Variants in ARHGEF9 observed in about 807,000 individuals in gnomAD.
ARHGEF9 encodes the protein rho guanine nucleotide exchange factor 9.
Under a neutral mutation model 41.3 loss-of-function variants are expected in ARHGEF9, and 2 were observed. The ratio of observed to expected loss-of-function variants is 0.05; its 90% confidence interval spans 0.02 to 0.15. ARHGEF9 has a LOEUF of 0.15. ARHGEF9 is among the 10% of genes least tolerant of loss of function. ARHGEF9 has a pLI of 1.00. For missense variants in ARHGEF9, 225 were observed against 424.7 expected (o/e 0.53, Z 4.13); for synonymous variants, 160 against 154.4 (o/e 1.04, Z -0.27).
intron 7 of ARHGEF9, among the ~76,000 whole-genome samples, chrX:63,661,750 C>G (rs782510753): frequency 9.0e-6 from 1 of 110,673 alleles, no homozygotes; most frequent in South Asian, 3.8e-4. Flanking sequence ...TACTCTCTTG[C>G]TCTCCTTTTC....
chrX:63,696,922 T>C (rs2051792683), intron 4 of ARHGEF9, among the ~76,000 whole-genome samples: 1 of 111,699 alleles, frequency 9.0e-6, no homozygotes, highest in African/African-American at 3.3e-5. Context: ...GTCATACACA[T>C]GCTTAACATT....
Position 63,637,860 on chromosome X carries a change from GTGTGTGTGTGTGTGTGTGTGTC to G in ARHGEF9, c.*146_*167del, listed in dbSNP as rs2047384663. ...TCCTTATCTCTCTGTGTGTGTGTGT[GTGTGTGTGTGTGTGTGTGTGTC>G]TGTGTGTGTGTGTGTGTATGTGTAC... On this transcript the variant is annotated 3_prime_UTR_variant, in exon 10 of 10. Coordinates refer to ENST00000671741, the MANE Select transcript of ARHGEF9 (RefSeq NM_001353921.2). 3 of 400,312 alleles carry G rather than the reference GTGTGTGTGTGTGTGTGTGTGTC, an allele frequency of 7.5e-6. No homozygotes were observed. In the Admixed American group the frequency reaches 1.3e-4, roughly 18 times the overall value. 33.0% of individuals were successfully genotyped at this position (400,312 alleles called of 1,213,427 possible). A position where few individuals can be genotyped will look rare whatever the true frequency, so the allele number is the denominator to read the frequency against.
chrX:63,724,936 G>A, intron 1 of ARHGEF9: 1 of 430,311 alleles, frequency 2.3e-6, no homozygotes, highest in Non-Finnish European at 4.1e-6. Context: ...ATATGAATAT[G>A]TACTACATAT....
chrX:63,779,121 C>T (rs2056340270), intron 1 of ARHGEF9, among the ~76,000 whole-genome samples: 1 of 111,806 alleles, frequency 8.9e-6, no homozygotes, highest in African/African-American at 3.3e-5. Flanking sequence ...AACTTTCCCA[C>T]ATCTTCCTGT....
intron 2 of ARHGEF9, among the ~76,000 whole-genome samples, chrX:63,709,428 G>A (rs1258640696): frequency 2.7e-5 from 3 of 112,199 alleles, no homozygotes; most frequent in Non-Finnish European, 5.6e-5. Context: ...ACCACGGAGT[G>A]CTTTCCAAAT....
intron 8 of ARHGEF9, among the ~76,000 whole-genome samples, chrX:63,650,956 G>A (rs2048507095): frequency 9.1e-6 from 1 of 109,501 alleles, no homozygotes; most frequent in Admixed American, 9.8e-5. Context: ...TAAAAATCCA[G>A]AGGAAATGAA....
At chrX:63,731,552 G>GTTTTT (rs1165184937) in intron 1 of ARHGEF9, among the ~76,000 whole-genome samples, 3 of 75,864 alleles carry the variant, frequency 4.0e-5, no homozygotes, top group East Asian at 9.0e-4. Context: ...CCCTGTCTCA[G>GTTTTT]TTTTTTTTTT....
intron 1 of ARHGEF9, among the ~76,000 whole-genome samples, chrX:63,745,275 C>T (rs1253149551): frequency 9.0e-6 from 1 of 111,024 alleles, no homozygotes; most frequent in Non-Finnish European, 1.9e-5. Flanking sequence ...TCCTCTGGGC[C>T]CTGAGGGTAG....
chrX:63,659,288 G>T (rs1166198311), intron 7 of ARHGEF9, among the ~76,000 whole-genome samples: 1 of 112,247 alleles, frequency 8.9e-6, no homozygotes, highest in African/African-American at 3.2e-5. Context: ...GAACCAGGCT[G>T]CCCATATGCC....
chrX:63,674,201 C>G lies in ARHGEF9; in HGVS notation c.816-34G>C, dbSNP rs1556359393. On this transcript the variant is annotated intron_variant, in intron 5 of 9. Coordinates refer to ENST00000671741, the MANE Select transcript of ARHGEF9 (RefSeq NM_001353921.2). ...ACAAAAGAGTGCAAGTTGAACCAAC[C>G]AATGTGCCAAAGAACCAATGTGCTA... 3.3e-6 allele frequency: 4 copies of G among 1,204,672 alleles called. No homozygotes were observed. In the South Asian group the frequency reaches 5.3e-5, roughly 16 times the overall value.
chrX:63,757,720 T>C (rs2055960417), intron 1 of ARHGEF9, among the ~76,000 whole-genome samples: 1 of 111,730 alleles, frequency 9.0e-6, no homozygotes, highest in South Asian at 3.8e-4. Context: ...TATGCTGCTC[T>C]CCCTCCCCAA....
intron 1 of ARHGEF9, among the ~76,000 whole-genome samples, chrX:63,735,003 A>G (rs1256183902): frequency 9.0e-6 from 1 of 111,031 alleles, no homozygotes; most frequent in Non-Finnish European, 1.9e-5. Context: ...CCATCTGTTG[A>G]GCCAGCGTGG....
chrX:63,736,189 T>C (rs1376857116), intron 1 of ARHGEF9, among the ~76,000 whole-genome samples: 1 of 111,204 alleles, frequency 9.0e-6, no homozygotes, highest in African/African-American at 3.3e-5. Flanking sequence ...GAGGACAAAA[T>C]AGAAGCAAAA....
chrX:63,697,413 A>G (rs2051829157), intron 3 of ARHGEF9, 109 bp from the exon 4 acceptor site: 2 of 689,238 alleles, frequency 2.9e-6, no homozygotes, highest in East Asian at 6.6e-5. Context: ...TAGGCATGGA[A>G]TAATTATTTT....
At chrX:63,778,244 G>T (rs1351695941) in intron 1 of ARHGEF9, among the ~76,000 whole-genome samples, 2 of 112,383 alleles carry the variant, frequency 1.8e-5, no homozygotes, top group Non-Finnish European at 3.8e-5. Flanking sequence ...ACCTGCCACG[G>T]CTTGGGGCTT....
At chrX:63,691,697 G>GA (rs1205066072) in intron 4 of ARHGEF9, among the ~76,000 whole-genome samples, 41 of 110,654 alleles carry the variant, frequency 3.7e-4, no homozygotes, top group African/African-American at 1.2e-3. Context: ...ACAGAAATGG[G>GA]AAAAAAATCC....
At chrX:63,681,894 T>C (rs1199383381) in intron 4 of ARHGEF9, among the ~76,000 whole-genome samples, 1 of 110,829 alleles carries the variant, frequency 9.0e-6, no homozygotes, top group Admixed American at 9.6e-5. Context: ...GGGACTATTA[T>C]GAACAATTAT....
intron 2 of ARHGEF9, among the ~76,000 whole-genome samples, chrX:63,707,159 G>C (rs1375493155): frequency 9.0e-6 from 1 of 111,217 alleles, no homozygotes; most frequent in Non-Finnish European, 1.9e-5. Flanking sequence ...GAGGAGCTGG[G>C]ATAGGAGCCA....
chrX:63,750,440 A>T (rs2055553148), intron 1 of ARHGEF9, among the ~76,000 whole-genome samples: 1 of 111,337 alleles, frequency 9.0e-6, no homozygotes, highest in South Asian at 3.8e-4. Flanking sequence ...TTGCTCTTTC[A>T]ACTTGTCCAG....
Sources: gnomAD v4.1 joint callset for allele counts (sites outside exome capture counted in the v4.1 genomes callset) on GRCh38, gnomAD v4.1.1 for gene constraint, MANE v1.5 for transcripts, NCBI Gene and HGNC (gene_info 2026-07-23, HGNC 2026-07-21) for gene names.